PMF1: variants seen among roughly 807,000 people sequenced by gnomAD.
PMF1 encodes the protein polyamine modulated factor 1.
Under a neutral mutation model 26.7 loss-of-function variants are expected in PMF1, and 21 were observed. The observed-to-expected ratio is 0.79, with a 90% CI of 0.56 to 1.13. The LOEUF is 1.13. PMF1 is among the 50% of genes most tolerant of loss of function. PMF1 has a pLI of 0.00. For synonymous variants in PMF1, 105 were observed against 101.0 expected (o/e 1.04, Z -0.24); for missense variants, 266 against 254.9 (o/e 1.04, Z -0.30).
intron 1 of PMF1, among the ~76,000 whole-genome samples, chr1:156,228,736 A>G (rs894586006): frequency 1.2e-4 from 18 of 151,930 alleles, no homozygotes; most frequent in East Asian, 1.9e-4. Flanking sequence ...TTAAGCCACA[A>G]TTACCCAGTT....
intron 1 of PMF1, among the ~76,000 whole-genome samples, chr1:156,228,256 ATTTTTTTTTTTT>A (rs772709878): frequency 2.9e-3 from 98 of 33,566 alleles, no homozygotes; most frequent in Non-Finnish European, 3.2e-3. Flanking sequence ...GCACCTGGCG[ATTTTTTTTTTTT>A]TTTTTTTTTT....
intron 1 of PMF1, among the ~76,000 whole-genome samples, chr1:156,218,138 A>G (rs1047608143): frequency 8.5e-5 from 13 of 152,148 alleles, no homozygotes; most frequent in African/African-American, 3.1e-4. Flanking sequence ...GCATTTCTTC[A>G]TGTACTTAGT....
rs1187363591 is a variant in PMF1 at position 156,232,514 on chromosome 1, C to T, written c.267+89C>T. On this transcript the variant is annotated intron_variant, in intron 2 of 4. Coordinates refer to ENST00000368277, the MANE Select transcript of PMF1 (RefSeq NM_007221.4). Reference sequence around the variant, plus strand: ...CTGAGGGCAGTGGCCCCACCCTCTACACCTCTGTCTCCTCAGCCCCTAGAG... The same window carrying T: ...CTGAGGGCAGTGGCCCCACCCTCTATACCTCTGTCTCCTCAGCCCCTAGAG... 7.2e-6 allele frequency: 9 copies of T among 1,252,396 alleles called. No individual in the cohort carries two copies. The East Asian group carries it at 2.1e-4, about 29-fold the overall frequency. 77.6% of individuals were successfully genotyped at this position (1,252,396 alleles called of 1,614,324 possible).
chr1:156,222,170 C>T (rs769105004), intron 1 of PMF1, among the ~76,000 whole-genome samples: 1 of 152,190 alleles, frequency 6.6e-6, no homozygotes, highest in African/African-American at 2.4e-5. Context: ...GGGAGTACAG[C>T]GCATGCACAC....
intron 1 of PMF1, among the ~76,000 whole-genome samples, chr1:156,226,009 C>T (rs1658353221): frequency 6.6e-6 from 1 of 152,038 alleles, no homozygotes. Flanking sequence ...CATGTACCAC[C>T]ACACCTGGTT....
rs1030430623 is a variant in PMF1, at chr1:156,236,470, A to C, written c.551A>C (p.Gln184Pro). The C allele has an allele frequency of 3.7e-6, 6 of 1,611,438 alleles. No individual in the cohort carries two copies. In the African/African-American group the frequency reaches 8.0e-5, roughly 22 times the overall value. The change falls in exon 4 of 5, where the codon CAG becomes CCG. Residue 184 changes from glutamine (Q) to proline (P), a missense_variant. By Grantham distance (76) the Gln-to-Pro change is moderately conservative. Transcript: ENST00000368277. ...CTGCAGCTACAGGTCCAGGCCCAGC[A>C]GCAGGCCTGGCAGGTCAGTGTCCCA... ...EELQLQVQAQ[Q>P]QAWQALHREQ...
chr1:156,222,145 C>T (rs985107607), intron 1 of PMF1, among the ~76,000 whole-genome samples: 1 of 152,200 alleles, frequency 6.6e-6, no homozygotes, highest in African/African-American at 2.4e-5. Flanking sequence ...CTCACCAACC[C>T]CAAGTCAGGG....
At chr1:156,230,088 G>C (rs1658610345) in intron 1 of PMF1, among the ~76,000 whole-genome samples, 1 of 152,192 alleles carries the variant, frequency 6.6e-6, no homozygotes, top group South Asian at 2.1e-4. Context: ...AGAGCCATGA[G>C]AAAGGGAGGA....
At chr1:156,225,544 G>T in intron 1 of PMF1, 1 of 1,478,946 alleles carries the variant, frequency 6.8e-7, no homozygotes, top group Non-Finnish European at 9.2e-7. Context: ...CAGCCTGTTT[G>T]TTTTGTTCTC....
chr1:156,217,230 T>G (rs1411190640), intron 1 of PMF1, among the ~76,000 whole-genome samples: 2 of 60,754 alleles, frequency 3.3e-5, no homozygotes, highest in African/African-American at 7.3e-5. Context: ...ACTTAAAGTA[T>G]AATAAAAAAA....
At chr1:156,222,380 A>G (rs985307994) in intron 1 of PMF1, among the ~76,000 whole-genome samples, 1 of 138,366 alleles carries the variant, frequency 7.2e-6, no homozygotes, top group South Asian at 2.2e-4. Context: ...ATATGAATAC[A>G]TACTTTTTTT....
chr1:156,236,079 C>A (rs1018176936), intron 3 of PMF1, among the ~76,000 whole-genome samples: 2 of 152,114 alleles, frequency 1.3e-5, no homozygotes, highest in African/African-American at 4.8e-5. Context: ...GAGAGGTGGA[C>A]CCCTAAGCAT....
rs1055553309 is a variant in PMF1, at chr1:156,225,640, C to T, written c.162-6680C>T. On this transcript the variant is annotated intron_variant, in intron 1 of 4. Coordinates refer to ENST00000368277, the MANE Select transcript of PMF1 (RefSeq NM_007221.4). ...TCTGTGAAACAGGCCTTCAGTTGGG[C>T]GGCGTGCAGGTTACCACAGGGGAGG... 7.0e-6 allele frequency: 11 copies of T among 1,561,430 alleles called. No homozygotes were observed. The highest frequency in any genetic ancestry group is 6.8e-5 in the African/African-American group (5 of 73,598).
rs1233954731 is a variant in PMF1 at position 156,236,279 on chromosome 1, G to A, written c.369-9G>A. On this transcript the variant is annotated splice_polypyrimidine_tract_variant and intron_variant, in intron 3 of 4. Coordinates refer to ENST00000368277, the MANE Select transcript of PMF1 (RefSeq NM_007221.4). ...TCCTTCATTCCTTGTGCCCCGTGTG[G>A]CCCTCCAGGCGCCCCAGCGGGATCC... 4.4e-6 allele frequency: 7 copies of A among 1,601,184 alleles called. No individual in the cohort carries two copies. Among genetic ancestry groups the A allele is most frequent in the Non-Finnish European group, 6.0e-6 (7 of 1,169,624 alleles).
intron 1 of PMF1, among the ~76,000 whole-genome samples, chr1:156,227,404 TGAG>T (rs1489621376): frequency 1.8e-4 from 27 of 151,430 alleles, no homozygotes; most frequent in African/African-American, 6.5e-4. Flanking sequence ...CCTGGGAGGC[TGAG>T]GCATGAGAAT....
At position 156,224,695 on chromosome 1, in the gene PMF1, C is replaced by T. The variant is rs568833034; in HGVS notation, c.162-7625C>T. On this transcript the variant is annotated intron_variant, in intron 1 of 4. Transcript: ENST00000368277. ...AGGAGAATGGTGTGAACCCCAGAGG[C>T]GGAGCTTGTAGTGAGCCGAGATCGC... Among the ~76,000 whole-genome samples the T allele has an allele frequency of 2.1e-3, 313 of 151,574 alleles. 1 individual carries two copies. The highest frequency in any genetic ancestry group is 6.6e-3 in the African/African-American group (271 of 41,346).
chr1:156,225,595 G>A lies in PMF1; in HGVS notation c.162-6725G>A, dbSNP rs776689240. 3.2e-6 allele frequency: 5 copies of A among 1,560,602 alleles called. No individual in the cohort carries two copies. The Admixed American group carries it at 5.7e-5, about 18-fold the overall frequency. ...CATTGGGACGGAAGTGCTGGTCCCC[G>A]CCTGCCCTCTGGTGGACAGTCTGTG... On this transcript the variant is annotated intron_variant, in intron 1 of 4. Coordinates refer to ENST00000368277, the MANE Select transcript of PMF1 (RefSeq NM_007221.4).
intron 3 of PMF1, among the ~76,000 whole-genome samples, chr1:156,234,632 T>C (rs1180892613): frequency 1.3e-5 from 2 of 151,696 alleles, no homozygotes; most frequent in African/African-American, 4.8e-5. Flanking sequence ...CCTCAGCCTC[T>C]TGAGTAGCTG....
chr1:156,236,382 C>A lies in PMF1; in HGVS notation c.463C>A (p.Gln155Lys). ...RDTLRRHVQK[Q>K]EAENQQLADA... Reference sequence around the variant, plus strand: ...CACCCTGCGGCGCCATGTGCAGAAACAGGAGGCCGAGAACCAGCAGCTGGC... The same window carrying A: ...CACCCTGCGGCGCCATGTGCAGAAAAAGGAGGCCGAGAACCAGCAGCTGGC... Residue 155 changes from glutamine to lysine, a missense_variant, in exon 4 of 5, where the codon CAG becomes AAG. Physicochemically the swap from Gln to Lys is moderately conservative, Grantham distance 53. Coordinates refer to ENST00000368277, the MANE Select transcript of PMF1 (RefSeq NM_007221.4). The A allele has an allele frequency of 6.2e-7, 1 of 1,614,238 alleles. No individual in the cohort carries two copies. The highest frequency in any genetic ancestry group is 1.7e-5 in the Admixed American group (1 of 60,036).
Sources: allele counts gnomAD v4.1 joint callset (sites outside exome capture counted in the v4.1 genomes callset), GRCh38; gene constraint gnomAD v4.1.1; transcripts MANE v1.5; gene names NCBI Gene and HGNC (gene_info 2026-07-23, HGNC 2026-07-21).